The following MADD variants were observed in gnomAD, a reference collection of about 807,000 sequenced individuals.
MADD encodes MAP kinase activating death domain.
MADD carries 109 observed loss-of-function variants against 176.7 expected under a neutral mutation model. That is an observed-to-expected ratio of 0.62 (90% CI 0.53 to 0.72). The LOEUF is 0.72. MADD is among the 30% of genes least tolerant of loss of function. The pLI is 0.00. For missense variants in MADD, 1,914 were observed against 2,045.5 expected, an observed-to-expected ratio of 0.94 and a Z score of 1.24; for synonymous variants, 771 against 771.3, an observed-to-expected ratio of 1.00 and a Z score of 0.01.
At chr11:47,313,480 AG>A in intron 26 of MADD, among the ~76,000 whole-genome samples, 1 of 119,610 alleles carries the variant, frequency 8.4e-6, no homozygotes, top group East Asian at 3.9e-4. Context: ...ACACCTGGCT[AG>A]TTTTTTTTTT....
chr11:47,307,219 G>A lies in MADD; in HGVS notation c.3643-1372G>A, dbSNP rs146346932. Among the ~76,000 whole-genome samples, 28 of 152,156 alleles carry A rather than the reference G, an allele frequency of 1.8e-4. 2 individuals are homozygous for A. The highest frequency in any genetic ancestry group is 6.3e-4 in the African/African-American group (26 of 41,498). The stretch of plus-strand genomic sequence containing the variant: ...GTGAGCTATCATGCCTGGCCAAAGT[G>A]AGCTGCTTTAATAAGAGTATTTGAA... On this transcript the variant is annotated intron_variant, in intron 22 of 32. Coordinates refer to ENST00000402192, the Ensembl canonical transcript of MADD.
At chr11:47,295,693 A>G in intron 21 of MADD, 114 bp downstream of exon 23, 1 of 1,560,702 alleles carries the variant, frequency 6.4e-7, no homozygotes, top group Non-Finnish European at 8.7e-7. Flanking sequence ...CATGGTTCTC[A>G]TGGTGGAGAT....
At chr11:47,316,356 A>C (rs903834785) in intron 27 of MADD, among the ~76,000 whole-genome samples, 9 of 150,584 alleles carry the variant, frequency 6.0e-5, no homozygotes, top group Non-Finnish European at 1.0e-4. Flanking sequence ...TTTCCTTTGT[A>C]AATTCCAGTG....
intron 15 of MADD, 80 bp downstream of exon 16, chr11:47,289,107 C>T (rs2063112086): frequency 2.9e-6 from 4 of 1,381,022 alleles, no homozygotes; most frequent in African/African-American, 1.5e-5. Flanking sequence ...CCATCCTTCT[C>T]ATGGAGCAAG....
exon 19 of MADD, chr11:47,290,765 A>G (rs2064447396): frequency 2.5e-6 from 4 of 1,613,866 alleles, no homozygotes; most frequent in Non-Finnish European, 3.4e-6. Context: ...AAAGGGTCCT[A>G]AGGAACTGGA....
At chr11:47,270,029 C>T (rs930708364), upstream of MADD, 6 of 152,048 alleles carry the variant, frequency 3.9e-5, no homozygotes, top group African/African-American at 1.5e-4. Flanking sequence ...TCGGCCCCGC[C>T]CCGCGGCGCT....
chr11:47,305,763 C>G lies in MADD; in HGVS notation c.3643-2828C>G, dbSNP rs529732247. ...AGAGGGTATCTTAGCAGCTCAGACT[C>G]TAGGGGCAAGTCCAGTTCCAGGGAA... On this transcript the variant is annotated intron_variant, in intron 22 of 32. Coordinates refer to ENST00000402192, the Ensembl canonical transcript of MADD. Among the ~76,000 whole-genome samples the G allele has an allele frequency of 3.9e-5, 6 of 152,280 alleles. No homozygotes were observed. The South Asian group carries it at 1.2e-3, about 32-fold the overall frequency.
chr11:47,281,778 C>T, intron 8 of MADD, 25 bp downstream of exon 8: 1 of 1,518,880 alleles, frequency 6.6e-7, no homozygotes, highest in Non-Finnish European at 8.9e-7. Context: ...ACTGTATAAT[C>T]ACAAGTTCTT....
exon 5 of MADD, chr11:47,276,750 G>A (rs1401640198): frequency 1.2e-6 from 2 of 1,614,030 alleles, no homozygotes; most frequent in South Asian, 1.1e-5. Context: ...ACAGTCCCGA[G>A]ACTACAATGC....
exon 18 of MADD, chr11:47,290,245 A>C (rs779978837): frequency 1.9e-6 from 3 of 1,614,170 alleles, no homozygotes; most frequent in Admixed American, 1.7e-5. Flanking sequence ...TCTGGGTGGC[A>C]TGGCCAGCAT....
intron 30 of MADD, 68 bp downstream of exon 34, chr11:47,326,620 C>T (rs1470819778): frequency 2.7e-6 from 4 of 1,502,434 alleles, no homozygotes; most frequent in East Asian, 2.3e-5. Context: ...ATTCTTCTGT[C>T]CTCTCTTTGG....
chr11:47,286,933 A>G (rs1463192213), intron 15 of MADD, among the ~76,000 whole-genome samples: 1 of 152,224 alleles, frequency 6.6e-6, no homozygotes, highest in East Asian at 1.9e-4. Flanking sequence ...CAGCGTTCAT[A>G]GAGCACAGCC....
At chr11:47,316,590 A>C (rs1037200849) in intron 27 of MADD, among the ~76,000 whole-genome samples, 1 of 151,248 alleles carries the variant, frequency 6.6e-6, no homozygotes, top group Non-Finnish European at 1.5e-5. Context: ...GGGTTTCACC[A>C]TGTTGGTCAG....
intron 25 of MADD, among the ~76,000 whole-genome samples, chr11:47,310,509 G>A (rs1319053051): frequency 6.6e-6 from 1 of 151,974 alleles, no homozygotes; most frequent in African/African-American, 2.4e-5. Flanking sequence ...TGAGATTTAT[G>A]TGGTCTCTCT....
intron 19 of MADD, among the ~76,000 whole-genome samples, chr11:47,291,567 A>C (rs1458413522): frequency 6.6e-6 from 1 of 152,190 alleles, no homozygotes; most frequent in Non-Finnish European, 1.5e-5. Context: ...ATATGCTCCC[A>C]TAAATGGTGA....
At chr11:47,285,686 G>A (rs2060101380) in intron 14 of MADD, 96 bp downstream of exon 14, 1 of 1,547,328 alleles carries the variant, frequency 6.5e-7, no homozygotes, top group African/African-American at 1.4e-5. Flanking sequence ...TCACATGTAG[G>A]GCTAGGTTGG....
chr11:47,302,736 T>A (rs1469873782), intron 22 of MADD, among the ~76,000 whole-genome samples: 1 of 152,208 alleles, frequency 6.6e-6, no homozygotes, highest in African/African-American at 2.4e-5. Flanking sequence ...AGTGAGGGAA[T>A]TTAATCTATT....
At position 47,305,665 on chromosome 11, in the gene MADD, C is replaced by T. The variant is rs1038051534; in HGVS notation, c.3643-2926C>T. On this transcript the variant is annotated intron_variant, in intron 22 of 32. Transcript: ENST00000402192. ...AGTGCAATGGCAGCGAATACCCCAG[C>T]GTGGCAGAGCACAGCTGTCATTTGG... Among the ~76,000 whole-genome samples the T allele has an allele frequency of 3.3e-5, 5 of 152,214 alleles. No individual in the cohort carries two copies. The South Asian group carries it at 8.3e-4, about 25-fold the overall frequency.
intron 19 of MADD, among the ~76,000 whole-genome samples, chr11:47,293,031 C>A (rs1336570847): frequency 6.6e-6 from 1 of 152,036 alleles, no homozygotes; most frequent in Non-Finnish European, 1.5e-5. Flanking sequence ...TTCTGTCATT[C>A]TGTCTTTCTG....
Sources: gnomAD v4.1 joint callset for allele counts (sites outside exome capture counted in the v4.1 genomes callset) on GRCh38, gnomAD v4.1.1 for gene constraint, MANE v1.5 for transcripts, NCBI Gene and HGNC (gene_info 2026-07-23, HGNC 2026-07-21) for gene names.